Variants in AKAP6 observed in about 807,000 individuals in gnomAD.
AKAP6 encodes the protein A-kinase anchoring protein 6.
In AKAP6, 58 loss-of-function variants were observed where a neutral mutation model predicts 188.5. That is an observed-to-expected ratio of 0.31 (90% confidence interval 0.25 to 0.38). The LOEUF (loss-of-function observed/expected upper bound fraction) is 0.38, where lower values mean the gene tolerates loss of function less well. Among genes scored for constraint, AKAP6 ranks in the 10% least tolerant of loss-of-function variants. AKAP6 has a pLI of 1.00. For synonymous variants in AKAP6, 989 were observed against 998.6 expected (o/e 0.99, Z 0.18); for missense variants, 2,710 against 2,740.0 (o/e 0.99, Z 0.24).
intron 9 of AKAP6, among the ~76,000 whole-genome samples, chr14:32,729,902 G>A (rs1486447531): frequency 6.6e-6 from 1 of 152,016 alleles, no homozygotes; most frequent in Admixed American, 6.6e-5. Flanking sequence ...TTACTGCTGT[G>A]GGTGGAATGA....
At chr14:32,385,017 C>G (rs1177690974) in intron 1 of AKAP6, 1 of 151,788 alleles carries the variant, frequency 6.6e-6, no homozygotes, top group Admixed American at 6.6e-5. Flanking sequence ...GGGAGATCTG[C>G]AAGGAGCAAA....
At chr14:32,685,724 CAAAAAAAA>C (rs71115091) in intron 8 of AKAP6, among the ~76,000 whole-genome samples, 2 of 86,234 alleles carry the variant, frequency 2.3e-5, no homozygotes, top group South Asian at 4.4e-4. Context: ...GACTCCATCT[CAAAAAAAA>C]AAAAAAAAAA....
At chr14:32,753,077 T>G (rs2032200733) in intron 11 of AKAP6, among the ~76,000 whole-genome samples, 1 of 152,244 alleles carries the variant, frequency 6.6e-6, no homozygotes, top group African/African-American at 2.4e-5. Flanking sequence ...GAAGTGGTAT[T>G]GCTGGATCAT....
chr14:32,608,252 A>G (rs562176852), intron 7 of AKAP6, among the ~76,000 whole-genome samples: 3 of 152,148 alleles, frequency 2.0e-5, no homozygotes, highest in Non-Finnish European at 4.4e-5. Flanking sequence ...CATGCCTGTA[A>G]TCCCAGCATT....
Position 32,835,498 on chromosome 14 carries a change from T to C in AKAP6, c.*5693T>C, listed in dbSNP as rs2034866514. 6.6e-6 allele frequency: 1 copy of C among 152,228 alleles called. No homozygotes were observed. The highest frequency in any genetic ancestry group is 2.1e-4 in the South Asian group (1 of 4,834). 9.4% of individuals were successfully genotyped at this position (152,228 alleles called of 1,614,324 possible). ...AAAAATTGACACAAACTCACTTCCA[T>C]GCACCAGTAAACTGGAATCCTTTCT... On this transcript the variant is annotated 3_prime_UTR_variant, in exon 14 of 14. Transcript: ENST00000280979.
chr14:32,454,552 G>A (rs1290295893), intron 2 of AKAP6, among the ~76,000 whole-genome samples: 1 of 152,138 alleles, frequency 6.6e-6, no homozygotes, highest in Admixed American at 6.5e-5. Flanking sequence ...TAGAAAATGA[G>A]GTCACATGAG....
At chr14:32,692,534 C>T (rs1376227909) in intron 8 of AKAP6, among the ~76,000 whole-genome samples, 1 of 152,104 alleles carries the variant, frequency 6.6e-6, no homozygotes, top group Non-Finnish European at 1.5e-5. Flanking sequence ...AACAAAATCT[C>T]ACGTAAAGAA....
chr14:32,472,033 C>T (rs1459864653), intron 2 of AKAP6, among the ~76,000 whole-genome samples: 1 of 152,068 alleles, frequency 6.6e-6, no homozygotes, highest in Non-Finnish European at 1.5e-5. Context: ...AGTTTGGGTT[C>T]CCAGGAATCG....
chr14:32,581,122 T>C (rs995036369), intron 5 of AKAP6, among the ~76,000 whole-genome samples: 80 of 152,300 alleles, frequency 5.3e-4, no homozygotes, highest in African/African-American at 1.6e-3. Context: ...CCTGAGGAAT[T>C]GCCACACTGA....
chr14:32,341,154 A>G (rs925229717), intron 1 of AKAP6, among the ~76,000 whole-genome samples: 1 of 152,194 alleles, frequency 6.6e-6, no homozygotes, highest in African/African-American at 2.4e-5. Context: ...AAATTTTTTT[A>G]GAGTTTCCTT....
chr14:32,360,076 T>G (rs190270297), intron 1 of AKAP6, among the ~76,000 whole-genome samples: 1 of 152,222 alleles, frequency 6.6e-6, no homozygotes, highest in Admixed American at 6.5e-5. Context: ...CCATAGTCAT[T>G]AGTAAATCTG....
intron 2 of AKAP6, among the ~76,000 whole-genome samples, chr14:32,443,037 C>T (rs577908971): frequency 1.5e-5 from 1 of 65,076 alleles, no homozygotes; most frequent in African/African-American, 1.7e-4. Context: ...CAAGCTATGG[C>T]ATGTGTTAGA....
At chr14:32,413,169 A>G (rs368426134) in intron 1 of AKAP6, among the ~76,000 whole-genome samples, 2 of 123,164 alleles carry the variant, frequency 1.6e-5, no homozygotes, top group South Asian at 5.5e-4. Context: ...GAAAGTATTT[A>G]TTGAAATTTT....
intron 1 of AKAP6, among the ~76,000 whole-genome samples, chr14:32,431,741 T>C (rs1332581600): frequency 6.6e-6 from 1 of 152,232 alleles, no homozygotes; most frequent in African/African-American, 2.4e-5. Context: ...CTCGAACTCC[T>C]GACCTCAGGT....
chr14:32,694,706 C>G (rs1281815381), intron 8 of AKAP6, among the ~76,000 whole-genome samples: 1 of 152,034 alleles, frequency 6.6e-6, no homozygotes, highest in Non-Finnish European at 1.5e-5. Flanking sequence ...ATAAAATAGG[C>G]AATCCTAGAT....
chr14:32,623,287 G>T (rs554583464), intron 7 of AKAP6, among the ~76,000 whole-genome samples: 1 of 151,982 alleles, frequency 6.6e-6, no homozygotes. Context: ...TTGATGCTAA[G>T]ACCTAATTAA....
intron 1 of AKAP6, among the ~76,000 whole-genome samples, chr14:32,348,412 TGTTTC>T (rs144925430): frequency 1.7e-4 from 16 of 93,830 alleles, no homozygotes; most frequent in South Asian, 4.0e-4. Flanking sequence ...TCTTTTCTTT[TGTTTC>T]TTTTTTTTTT....
At chr14:32,478,342 G>A (rs891495759) in intron 2 of AKAP6, among the ~76,000 whole-genome samples, 1 of 152,176 alleles carries the variant, frequency 6.6e-6, no homozygotes, top group Non-Finnish European at 1.5e-5. Context: ...AGATGTCAGG[G>A]AAATGCGGGT....
chr14:32,502,167 G>A (rs1880638841), intron 2 of AKAP6, among the ~76,000 whole-genome samples: 2 of 152,108 alleles, frequency 1.3e-5, no homozygotes, highest in Admixed American at 1.3e-4. Context: ...CTTTTTAAAA[G>A]TGCTTAGAAG....
Sources: gnomAD v4.1 joint callset for allele counts (sites outside exome capture counted in the v4.1 genomes callset) on GRCh38, gnomAD v4.1.1 for gene constraint, MANE v1.5 for transcripts, NCBI Gene and HGNC (gene_info 2026-07-23, HGNC 2026-07-21) for gene names.